Variants in SELENON observed in about 807,000 individuals in gnomAD.
The protein encoded by SELENON is selenoprotein N.
In SELENON, 44 loss-of-function variants were observed where a neutral mutation model predicts 59.5. The observed-to-expected ratio is 0.74, with a 90% CI of 0.58 to 0.95. The LOEUF (loss-of-function observed/expected upper bound fraction) is 0.95, where lower values mean the gene tolerates loss of function less well. Ranked by LOEUF, SELENON falls within the 40% of genes least tolerant of loss-of-function variation. SELENON has a pLI of 0.00. For synonymous variants in SELENON, 320 were observed against 305.6 expected (o/e 1.05, Z -0.49); for missense variants, 674 against 721.4 (o/e 0.93, Z 0.75).
chr1:25,800,409 G>T lies in SELENON; in HGVS notation c.179G>T (p.Arg60Leu), dbSNP rs1003736088. Residue 60 changes from arginine to leucine, a missense_variant, in exon 1 of 13, where the codon CGG becomes CTG. Coordinates refer to ENST00000361547, the MANE Select transcript of SELENON (RefSeq NM_020451.3). ...CACGCCGAGGCCCAGGCGGCCGCGC[G>T]GCAGGTCCGGGCCCGAGCTGGCTGG... 1.8e-6 allele frequency: 2 copies of T among 1,095,308 alleles called. No homozygotes were observed. The highest frequency in any genetic ancestry group is 2.2e-6 in the Non-Finnish European group (2 of 901,094). 67.8% of individuals were successfully genotyped at this position (1,095,308 alleles called of 1,614,324 possible).
chr1:25,803,274 T>C (rs1321627008), intron 3 of SELENON, among the ~76,000 whole-genome samples: 1 of 152,218 alleles, frequency 6.6e-6, no homozygotes, highest in Admixed American at 6.5e-5. Context: ...AGGTGCACTT[T>C]TAATTTTTTG....
chr1:25,801,339 C>T (rs555648988), intron 2 of SELENON, among the ~76,000 whole-genome samples, 179 bp downstream of exon 2: 4 of 152,164 alleles, frequency 2.6e-5, no homozygotes, highest in Non-Finnish European at 4.4e-5. Context: ...AACCCCTGAG[C>T]CTGTTTTTCT....
rs765559522 is a variant in SELENON at position 25,808,692 on chromosome 1, TG to T, written c.653del (p.Gly218ValfsTer?). The T allele has an allele frequency of 6.2e-7, 1 of 1,614,138 alleles. No individual in the cohort carries two copies. Among genetic ancestry groups the T allele is most frequent in the Non-Finnish European group, 8.5e-7 (1 of 1,180,004 alleles). ...TTCCTTCCCCCGCCAGGCCAGGAGCTGGGTGAGCCCTGGTGGATCATCCCCA... is the reference window on the plus strand; with the variant it reads ...TTCCTTCCCCCGCCAGGCCAGGAGCTGGTGAGCCCTGGTGGATCATCCCCA... On this transcript the variant is annotated frameshift_variant, in exon 5 of 13. Coordinates refer to ENST00000361547, the MANE Select transcript of SELENON (RefSeq NM_020451.3). LOFTEE classifies it high-confidence loss of function.
In SELENON at chr1:25,801,229, G is replaced by T; in HGVS notation, c.301+69G>T. ...AACGGTGTCTTCACTGAGCAGGAGC[G>T]GCCGTCTGGAGTGGAGGGAAGCTCG... On this transcript the variant is annotated intron_variant, in intron 2 of 12. Transcript: ENST00000361547. 5.6e-6 allele frequency: 7 copies of T among 1,244,024 alleles called. No individual in the cohort carries two copies. In the Admixed American group the frequency reaches 1.0e-4, roughly 18 times the overall value. 77.1% of individuals were successfully genotyped at this position (1,244,024 alleles called of 1,614,324 possible).
Position 25,812,728 on chromosome 1 carries a change from G to A in SELENON, c.1323G>A (p.Lys441=), listed in dbSNP as rs2047976720. ...TCACTGAGGCCTTCGACCGAGCCAA[G>A]GCTGAGAACAAGCTGGTGCACTCAA... Residue 441 remains lysine, a synonymous_variant, in exon 10 of 13, where the codon AAG becomes AAA. Coordinates refer to ENST00000361547, the MANE Select transcript of SELENON (RefSeq NM_020451.3). 2 of 1,613,486 alleles carry A rather than the reference G, an allele frequency of 1.2e-6. No individual in the cohort carries two copies.
rs776329301 is a variant in SELENON, at chr1:25,808,780, G to A, written c.738G>A (p.Lys246=). The A allele has an allele frequency of 1.9e-6, 3 of 1,613,744 alleles. No homozygotes were observed. The South Asian group carries it at 3.3e-5, about 18-fold the overall frequency. Residue 246 remains lysine, a synonymous_variant, in exon 5 of 13, where the codon AAG becomes AAA. Coordinates refer to ENST00000361547, the MANE Select transcript of SELENON (RefSeq NM_020451.3). ...ACCGCTTCTATCCACCGCCGCCCAA[G>A]GGCAAGGAGGTGAGGACAGCTGGGG...
chr1:25,813,119 A>G (rs1329825654), intron 10 of SELENON, among the ~76,000 whole-genome samples: 2 of 152,196 alleles, frequency 1.3e-5, no homozygotes, highest in African/African-American at 2.4e-5. Flanking sequence ...AGCTGTGGAC[A>G]TGGAGGTGAA....
At chr1:25,800,576 G>T (rs1489046335) in intron 1 of SELENON, among the ~76,000 whole-genome samples, 163 bp downstream of exon 1, 3 of 151,396 alleles carry the variant, frequency 2.0e-5, no homozygotes, top group Admixed American at 6.6e-5. Flanking sequence ...GGAGGCGGGT[G>T]GGGGGTGCCT....
intron 4 of SELENON, among the ~76,000 whole-genome samples, chr1:25,808,342 T>C (rs530150027): frequency 3.3e-4 from 2 of 6,134 alleles, no homozygotes; most frequent in Non-Finnish European, 2.9e-4. Context: ...GGGTGGGCTG[T>C]GCCTGGGTGG....
Position 25,800,374 on chromosome 1 carries a change from C to A in SELENON, c.144C>A (p.Val48=). ...CCGCCGCTGCCGCCGCCGTCCGGGT[C>A]TGCGCCCGCCACGCCGAGGCCCAGG... The change falls in exon 1 of 13, where the codon GTC becomes GTA. Residue 48 remains valine, a synonymous_variant. Coordinates refer to ENST00000361547, the MANE Select transcript of SELENON (RefSeq NM_020451.3). 9.1e-7 allele frequency: 1 copy of A among 1,093,650 alleles called. No homozygotes were observed. 67.7% of individuals were successfully genotyped at this position (1,093,650 alleles called of 1,614,324 possible).
Position 25,809,161 on chromosome 1 carries a change from C to A in SELENON, c.872+11C>A, listed in dbSNP as rs1461920788. 1 of 1,613,588 alleles carries A rather than the reference C, an allele frequency of 6.2e-7. No homozygotes were observed. The highest frequency in any genetic ancestry group is 1.7e-5 in the Admixed American group (1 of 60,030). On this transcript the variant is annotated intron_variant, in intron 6 of 12. Coordinates refer to ENST00000361547, the MANE Select transcript of SELENON (RefSeq NM_020451.3). Reference sequence around the variant, plus strand: ...CACTGTGATGTTCCGGTGAGTGGGCCACACTGGCTGGCCTGGAGCACCGGG... The same window carrying A: ...CACTGTGATGTTCCGGTGAGTGGGCAACACTGGCTGGCCTGGAGCACCGGG...
At chr1:25,806,915 G>A (rs1342703900) in intron 4 of SELENON, among the ~76,000 whole-genome samples, 2 of 149,766 alleles carry the variant, frequency 1.3e-5, no homozygotes, top group Non-Finnish European at 3.0e-5. Flanking sequence ...TCCGCCTCCC[G>A]GGTTCAAGCT....
At chr1:25,813,437 TTCTACAGGGGACA>T in intron 10 of SELENON, 1 of 334,122 alleles carries the variant, frequency 3.0e-6, no homozygotes, top group Non-Finnish European at 5.9e-6. Context: ...ACGGTGAGTG[TTCTACAGGGGACA>T]GTCCAGAGTG....
chr1:25,802,417 C>T (rs565024919), intron 3 of SELENON, among the ~76,000 whole-genome samples: 5 of 152,286 alleles, frequency 3.3e-5, no homozygotes, highest in African/African-American at 9.6e-5. Context: ...AGTGCAGTGA[C>T]ATAATCTCAG....
chr1:25,817,954 C>G lies in SELENON; in HGVS notation c.*2236C>G, dbSNP rs78714889. ...GATGCTCTCTCTCTGCCTCCCCCCC[C>G]ATCCTGTCAGGCACAGGTGACGGGG... On this transcript the variant is annotated 3_prime_UTR_variant, in exon 13 of 13. Transcript: ENST00000361547. 1 of 149,788 alleles carries G rather than the reference C, an allele frequency of 6.7e-6. No individual in the cohort carries two copies. Among genetic ancestry groups the G allele is most frequent in the Non-Finnish European group, 1.5e-5 (1 of 67,444 alleles). The allele number at this position is 149,788 out of a possible 1,614,324, so 9.3% of individuals were successfully genotyped here.
chr1:25,805,655 T>A (rs1175409292), intron 4 of SELENON, among the ~76,000 whole-genome samples: 2 of 147,800 alleles, frequency 1.4e-5, no homozygotes, highest in African/African-American at 5.3e-5. Flanking sequence ...TCCCACACAC[T>A]ATGATGATTA....
At chr1:25,808,942 G>T in intron 5 of SELENON, 84 bp from the exon 5 acceptor site, 1 of 1,607,886 alleles carries the variant, frequency 6.2e-7, no homozygotes, top group Admixed American at 1.7e-5. Context: ...CCCCTGGGCC[G>T]TCGGGTCTGG....
intron 4 of SELENON, among the ~76,000 whole-genome samples, chr1:25,806,819 C>CTTTT (rs889213068): frequency 7.9e-6 from 1 of 126,956 alleles, no homozygotes; most frequent in South Asian, 2.6e-4. Flanking sequence ...GAGCCCCTTT[C>CTTTT]TTTTTTTTTT....
intron 7 of SELENON, 101 bp from the exon 7 acceptor site, chr1:25,811,353 C>G: frequency 1.9e-6 from 2 of 1,062,430 alleles, no homozygotes; most frequent in Non-Finnish European, 2.9e-6. Context: ...CCTCAGTGTC[C>G]TCATCTGGAA....
Sources: allele counts gnomAD v4.1 joint callset (sites outside exome capture counted in the v4.1 genomes callset), GRCh38; gene constraint gnomAD v4.1.1; transcripts MANE v1.5; gene names NCBI Gene and HGNC (gene_info 2026-07-23, HGNC 2026-07-21).